PZP: variants seen among roughly 807,000 people sequenced by gnomAD.
PZP encodes the protein PZP alpha-2-macroglobulin like, also known as pregnancy zone protein.
Under a neutral mutation model 179.8 loss-of-function variants are expected in PZP, and 150 were observed. That is an observed-to-expected ratio of 0.83 (90% CI 0.73 to 0.96). The LOEUF (loss-of-function observed/expected upper bound fraction) is 0.96. PZP is among the 40% of genes least tolerant of loss of function. The probability of loss-of-function intolerance (pLI) is 0.00; values close to 1 mark genes in which losing one functional copy is unlikely to be tolerated. For synonymous variants in PZP, 624 were observed against 652.3 expected, an observed-to-expected ratio of 0.96 and a Z score of 0.66; for missense variants, 1,689 against 1,764.0, an observed-to-expected ratio of 0.96 and a Z score of 0.76.
At chr12:9,148,802 G>A (rs1940143407), downstream of PZP, 3 of 597,046 alleles carry the variant, frequency 5.0e-6, no homozygotes, top group Non-Finnish European at 8.7e-6. Flanking sequence ...ATGTGAACAT[G>A]TTATTAATGT....
At chr12:9,160,242 T>C in intron 24 of PZP, 72 bp downstream of exon 24, 1 of 1,364,720 alleles carries the variant, frequency 7.3e-7, no homozygotes, top group Non-Finnish European at 1.0e-6. Context: ...TAATATTTGA[T>C]GATATAACTG....
chr12:9,173,720 A>C lies in PZP; in HGVS notation c.1840-4129T>G, dbSNP rs971587137. ...AACACCTCTGTCTATATAAGCTAGA[A>C]AATCTAGAAGAAATGGATAAACTAC... is the stretch of plus-strand genomic sequence containing the variant. On this transcript the variant is annotated intron_variant, in intron 15 of 35. Coordinates refer to ENST00000261336, the MANE Select transcript of PZP (RefSeq NM_002864.3). 5.3e-5 allele frequency among the ~76,000 whole-genome samples: 8 copies of C among 152,346 alleles called. No homozygotes were observed. In the East Asian group the frequency reaches 9.6e-4, roughly 18 times the overall value.
At position 9,165,279 on chromosome 12, in the gene PZP, C is replaced by T; in HGVS notation, c.2347G>A (p.Gly783Arg). The T allele has an allele frequency of 6.2e-7, 1 of 1,614,140 alleles. No individual in the cohort carries two copies. The highest frequency in any genetic ancestry group is 2.2e-5 in the East Asian group (1 of 44,888). The change falls in exon 19 of 36, where the codon GGA (glycine) becomes AGA (arginine). Residue 783 changes from glycine (G) to arginine (R), a missense_variant. Around this residue, in one of 3 missense-constraint regions of PZP, gnomAD observed 201 missense variants for 284.2 expected, o/e 0.71. Transcript: ENST00000261336. ...AGAFCLSEDA[G>R]LGISSTASLR... ...GAGGCAGTGGAAGAGATACCAAGTC[C>T]AGCATCTTCGGACAGGCAGAAGGCC...
intron 25 of PZP, 57 bp from the exon 26 acceptor site, chr12:9,158,633 T>A: frequency 6.4e-7 from 1 of 1,553,500 alleles, no homozygotes; most frequent in Non-Finnish European, 8.8e-7. Flanking sequence ...TTTACTGCTC[T>A]GTTTTGTACA....
intron 19 of PZP, 65 bp from the exon 20 acceptor site, chr12:9,164,324 T>G (rs927825655): frequency 6.6e-7 from 1 of 1,525,324 alleles, no homozygotes; most frequent in Non-Finnish European, 9.0e-7. Flanking sequence ...ACACATAGAA[T>G]TGGGGCCAAG....
At chr12:9,187,847 A>G (rs1428630066) in intron 13 of PZP, among the ~76,000 whole-genome samples, 2 of 152,256 alleles carry the variant, frequency 1.3e-5, no homozygotes, top group Non-Finnish European at 2.9e-5. Context: ...TGAAAGTTAC[A>G]GCAACGGAAG....
intron 13 of PZP, 34 bp from the exon 14 acceptor site, chr12:9,182,151 T>TAAGTGAGACAAAATGGTCAC (rs1565649492): frequency 1.2e-6 from 2 of 1,605,442 alleles, no homozygotes; most frequent in South Asian, 1.1e-5. Context: ...AAAATGGTCA[T>TAAGTGAGACAAAATGGTCAC]AAGTGAGACA....
At chr12:9,190,488 C>T (rs149983338) in intron 13 of PZP, among the ~76,000 whole-genome samples, 1,724 of 151,946 alleles carry the variant, frequency 0.011, 17 homozygotes, top group South Asian at 0.03. Context: ...ACAGTGGGGC[C>T]TATCTGAGGG....
In PZP at chr12:9,203,825, C is replaced by T; in HGVS notation, c.210G>A (p.Arg70=). The T allele has an allele frequency of 6.2e-7, 1 of 1,614,100 alleles. No homozygotes were observed. The highest frequency in any genetic ancestry group is 8.5e-7 in the Non-Finnish European group (1 of 1,179,996). Residue 70 remains arginine, a synonymous_variant, in exon 2 of 36, where the codon AGG becomes AGA. Transcript: ENST00000261336. ...CCGCCACCAGGTCAGTGAAGAGGCT[C>T]CTGTTTTCCCTGCCAGACTCCAAGG... ...SASLESGREN[R]SLFTDLVAEK... is the part of the protein sequence containing the mutation.
chr12:9,172,801 A>G (rs1230625439), intron 15 of PZP, among the ~76,000 whole-genome samples: 1 of 152,246 alleles, frequency 6.6e-6, no homozygotes, highest in Non-Finnish European at 1.5e-5. Context: ...TATGCATCCA[A>G]TACAGAAGCA....
At chr12:9,158,261 C>T (rs1166536512) in intron 26 of PZP, among the ~76,000 whole-genome samples, 159 bp downstream of exon 26, 1 of 152,200 alleles carries the variant, frequency 6.6e-6, no homozygotes, top group Non-Finnish European at 1.5e-5. Flanking sequence ...GGCCCAATTT[C>T]TTCCTTCTCT....
chr12:9,138,005 T>G, the PZP span, among the ~76,000 whole-genome samples: 16 of 152,166 alleles, frequency 1.1e-4, no homozygotes, highest in Non-Finnish European at 2.9e-5. Context: ...TTGGTAGGCT[T>G]TAATTTATTT....
At chr12:9,166,258 C>T (rs750436836) in intron 17 of PZP, 56 bp from the exon 18 acceptor site, 108 of 1,565,304 alleles carry the variant, frequency 6.9e-5, no homozygotes, top group Non-Finnish European at 8.9e-5. Context: ...TTTCATGGTG[C>T]ACATGTGAGA....
chr12:9,158,393 G>A, intron 26 of PZP, 27 bp downstream of exon 26: 1 of 1,612,784 alleles, frequency 6.2e-7, no homozygotes, highest in Non-Finnish European at 8.5e-7. Flanking sequence ...ATGTGTGTCA[G>A]GCTCAGAAGT....
rs1565623916 is a variant in PZP, at chr12:9,154,797, G to T, written c.3593C>A (p.Pro1198Gln). The T allele has an allele frequency of 3.1e-6, 5 of 1,614,150 alleles. No homozygotes were observed. The African/African-American group carries it at 4.0e-5, about 13-fold the overall frequency. The change falls in exon 29 of 36, where the codon CCA becomes CAA. Residue 1198 changes from proline to glutamine, a missense_variant. This residue lies in a region of PZP where 746 missense variants were observed against 749.2 expected (regional missense o/e 1.00). Coordinates refer to ENST00000261336, the MANE Select transcript of PZP (RefSeq NM_002864.3). ...CTGGGTTTGGTAAAGATGCCCCACTGGTGCCTTGGGTCTCTGAGGGCGCTC... is the reference window on the plus strand; with the variant it reads ...CTGGGTTTGGTAAAGATGCCCCACTTGTGCCTTGGGTCTCTGAGGGCGCTC... ...HWERPQRPKA[P>Q]VGHLYQTQAP...
intron 6 of PZP, 130 bp from the exon 7 acceptor site, chr12:9,200,578 C>T: frequency 2.6e-6 from 2 of 755,756 alleles, no homozygotes; most frequent in Admixed American, 5.7e-5. Context: ...AATGTATCAA[C>T]TTTAAGATGG....
At chr12:9,158,669 A>C (rs3741850) in intron 25 of PZP, 93 bp from the exon 26 acceptor site, 1,149,503 of 1,253,634 alleles carry the variant, frequency 0.92, 529,254 homozygotes, top group East Asian at 0.96. Context: ...CACAGTGTGC[A>C]CCCAAGAAAG....
intron 15 of PZP, among the ~76,000 whole-genome samples, chr12:9,173,120 A>G (rs1942112205): frequency 6.6e-6 from 1 of 152,144 alleles, no homozygotes; most frequent in African/African-American, 2.4e-5. Context: ...AAATCATAAC[A>G]GTCTTTCAGA....
Position 9,157,168 on chromosome 12 carries a change from C to T in PZP, c.3550+7G>A. Reference sequence around the variant, plus strand: ...ATTGTTCAGCTCCCACTTATAAGTGCTCTCACCTTCTTTCACAGCTTCCTT... The same window carrying T: ...ATTGTTCAGCTCCCACTTATAAGTGTTCTCACCTTCTTTCACAGCTTCCTT... On this transcript the variant is annotated splice_region_variant and intron_variant, in intron 28 of 35. Transcript: ENST00000261336. 6.2e-7 allele frequency: 1 copy of T among 1,611,248 alleles called. No individual in the cohort carries two copies. The highest frequency in any genetic ancestry group is 8.5e-7 in the Non-Finnish European group (1 of 1,178,294).
Sources: gnomAD v4.1 joint callset for allele counts (sites outside exome capture counted in the v4.1 genomes callset) on GRCh38, gnomAD v4.1.1 for gene constraint, gnomAD v4.1.1 regional missense constraint, MANE v1.5 for transcripts, NCBI Gene and HGNC (gene_info 2026-07-23, HGNC 2026-07-21) for gene names.